Variants in MROH1 observed in about 807,000 individuals in gnomAD.
MROH1 encodes maestro heat like repeat family member 1.
MROH1 carries 117 observed loss-of-function variants against 116.5 expected under a neutral mutation model. The ratio of observed to expected loss-of-function variants is 1.00; its 90% confidence interval spans 0.86 to 1.17. MROH1 has a LOEUF of 1.17. Ranked by LOEUF, MROH1 falls within the 50% of genes most tolerant of loss-of-function variation. The probability of loss-of-function intolerance (pLI) is 0.00; values close to 1 mark genes in which losing one functional copy is unlikely to be tolerated. For missense variants in MROH1, 1,873 were observed against 1,338.5 expected (o/e 1.40, Z -6.23); for synonymous variants, 921 against 583.9 (o/e 1.58, Z -8.32).
chr8:144,240,101 A>G lies in MROH1; in HGVS notation c.1775A>G (p.Glu592Gly). The change falls in exon 19 of 44, where the codon GAG becomes GGG. Residue 592 changes from glutamate to glycine, a missense_variant and splice_region_variant. Coordinates refer to ENST00000326134, the MANE Select transcript of MROH1 (RefSeq NM_032450.3). Reference protein sequence around the residue: ...TVPLLLGYLDEHTEETLPQEE... With the variant: ...TVPLLLGYLDGHTEETLPQEE... The stretch of plus-strand genomic sequence containing the variant: ...CTGGCCTGCGCGGCTGTCGTTTCAG[A>G]GCACACAGAAGAGACCCTGCCACAG... 1 of 778,162 alleles carries G rather than the reference A, an allele frequency of 1.3e-6. No homozygotes were observed. The highest frequency in any genetic ancestry group is 2.4e-5 in the East Asian group (1 of 41,174). The allele number at this position is 778,162 out of a possible 1,614,324, so 48.2% of individuals were successfully genotyped here. A position where few individuals can be genotyped will look rare whatever the true frequency, so the allele number is the denominator to read the frequency against.
chr8:144,209,949 A>G (rs1173109605), intron 12 of MROH1, among the ~76,000 whole-genome samples: 1 of 151,810 alleles, frequency 6.6e-6, no homozygotes, highest in Admixed American at 6.6e-5. Context: ...ACCACATAAA[A>G]CAAATGTGTG....
At chr8:144,194,651 A>G (rs894322903) in intron 10 of MROH1, among the ~76,000 whole-genome samples, 1 of 152,144 alleles carries the variant, frequency 6.6e-6, no homozygotes, top group African/African-American at 2.4e-5. Flanking sequence ...GGTGGCTCAC[A>G]TCTGTAATCC....
chr8:144,206,522 A>G (rs1367736620), intron 12 of MROH1, among the ~76,000 whole-genome samples: 2 of 151,022 alleles, frequency 1.3e-5, no homozygotes, highest in Non-Finnish European at 2.9e-5. Flanking sequence ...TCCCGGGTTC[A>G]AGCGATTCTC....
intron 22 of MROH1, 145 bp from the exon 23 acceptor site, chr8:144,242,224 C>T (rs1028687632): frequency 4.0e-6 from 3 of 751,584 alleles, no homozygotes; most frequent in East Asian, 2.4e-5. Context: ...CAGGTGGTGC[C>T]GTGCACGGCT....
intron 1 of MROH1, among the ~76,000 whole-genome samples, chr8:144,157,800 C>A (rs1818520203): frequency 6.6e-6 from 1 of 150,530 alleles, no homozygotes; most frequent in African/African-American, 2.4e-5. Context: ...ACCTCAGCCT[C>A]CTGAGTAGCT....
intron 35 of MROH1, 131 bp from the exon 36 acceptor site, chr8:144,258,646 A>G: frequency 1.5e-6 from 1 of 676,348 alleles, no homozygotes; most frequent in South Asian, 1.6e-5. Context: ...TGCTTCCTGG[A>G]GAGTGGCTCT....
At chr8:144,185,881 T>TG in intron 7 of MROH1, among the ~76,000 whole-genome samples, 1 of 11,188 alleles carries the variant, frequency 8.9e-5, no homozygotes, top group African/African-American at 3.8e-4. Context: ...GCAGGGACCG[T>TG]GGGGGGATGG....
chr8:144,244,311 A>T lies in MROH1; in HGVS notation c.2645A>T (p.Lys882Met). ...HSIMALLPEP[K>M]EEDGGCQKSL... ...ATCATGGCCCTGCTGCCTGAGCCCAAGGAGGAGGACGGAGGCTGCCAGAAG... is the reference window on the plus strand; with the variant it reads ...ATCATGGCCCTGCTGCCTGAGCCCATGGAGGAGGACGGAGGCTGCCAGAAG... Residue 882 changes from lysine (K) to methionine (M), a missense_variant, in exon 27 of 44, where the codon AAG becomes ATG. By Grantham distance (95) the Lys-to-Met change is moderately conservative. Transcript: ENST00000326134. 1 of 720,066 alleles carries T rather than the reference A, an allele frequency of 1.4e-6. No homozygotes were observed. Among genetic ancestry groups the T allele is most frequent in the Admixed American group, 2.0e-5 (1 of 50,122 alleles). 44.6% of individuals were successfully genotyped at this position (720,066 alleles called of 1,614,324 possible).
At chr8:144,231,493 ATTG>A (rs1368114584) in intron 14 of MROH1, among the ~76,000 whole-genome samples, 1 of 152,158 alleles carries the variant, frequency 6.6e-6, no homozygotes, top group African/African-American at 2.4e-5. Context: ...TAATTTCATT[ATTG>A]TTGTCTTTCA....
intron 14 of MROH1, among the ~76,000 whole-genome samples, chr8:144,223,637 T>G (rs1297087215): frequency 1.3e-5 from 2 of 152,186 alleles, no homozygotes; most frequent in Non-Finnish European, 2.9e-5. Flanking sequence ...TTTGGGGCTT[T>G]TCTATTTAAG....
At chr8:144,221,604 C>G (rs1357589356) in intron 13 of MROH1, among the ~76,000 whole-genome samples, 1 of 152,008 alleles carries the variant, frequency 6.6e-6, no homozygotes. Context: ...CTGAAACGGA[C>G]CCCATGCCAC....
At chr8:144,148,547 C>A (rs1343731050) in intron 1 of MROH1, 1 of 152,634 alleles carries the variant, frequency 6.6e-6, no homozygotes, top group Admixed American at 6.5e-5. Context: ...AAGCATACGC[C>A]CGGAGCCTGC....
In MROH1 at chr8:144,222,200, G is replaced by A. The variant is rs960378317; in HGVS notation, c.1216-908G>A. Among the ~76,000 whole-genome samples, 9 of 152,204 alleles carry A rather than the reference G, an allele frequency of 5.9e-5. No homozygotes were observed. In the East Asian group the frequency reaches 1.5e-3, roughly 26 times the overall value. ...AGGGATGGGTGTATTTGGAGCCTGG[G>A]AAGGGCAGCTGCCAGTGCCCAGGAG... On this transcript the variant is annotated intron_variant, in intron 13 of 43. Coordinates refer to ENST00000326134, the MANE Select transcript of MROH1 (RefSeq NM_032450.3).
chr8:144,188,551 C>G (rs1235711594), intron 7 of MROH1, among the ~76,000 whole-genome samples: 1 of 150,248 alleles, frequency 6.7e-6, no homozygotes. Flanking sequence ...ACTGCAACCT[C>G]TGCCTCCCGG....
intron 9 of MROH1, 54 bp from the exon 10 acceptor site, chr8:144,192,251 TAGTC>T: frequency 2.8e-6 from 4 of 1,443,304 alleles, no homozygotes; most frequent in Non-Finnish European, 3.8e-6. Flanking sequence ...TGATTGACCT[TAGTC>T]AGTTCGGGCG....
intron 20 of MROH1, 142 bp from the exon 21 acceptor site, chr8:144,240,850 C>A (rs1445904012): frequency 1.5e-6 from 1 of 686,028 alleles, no homozygotes; most frequent in Middle Eastern, 3.8e-4. Flanking sequence ...ACCGCTTATT[C>A]CTCAGATGTT....
chr8:144,195,760 A>G (rs527245887), intron 10 of MROH1, among the ~76,000 whole-genome samples: 2 of 152,108 alleles, frequency 1.3e-5, no homozygotes, highest in East Asian at 3.9e-4. Flanking sequence ...GCTGGAGTGC[A>G]GTGGCAGTAA....
chr8:144,171,842 G>T (rs528742870), intron 4 of MROH1, among the ~76,000 whole-genome samples: 1 of 152,288 alleles, frequency 6.6e-6, no homozygotes, highest in African/African-American at 2.4e-5. Flanking sequence ...TGTCTGCCTA[G>T]TGGCCTACTC....
At chr8:144,172,714 A>G (rs1290252874) in intron 4 of MROH1, among the ~76,000 whole-genome samples, 2 of 152,016 alleles carry the variant, frequency 1.3e-5, no homozygotes, top group African/African-American at 2.4e-5. Context: ...CGGCCAGTCT[A>G]ACTCTTTTAA....
Sources: allele counts gnomAD v4.1 joint callset (sites outside exome capture counted in the v4.1 genomes callset), GRCh38; gene constraint gnomAD v4.1.1; transcripts MANE v1.5; gene names NCBI Gene and HGNC (gene_info 2026-07-23, HGNC 2026-07-21).